Variants in MED14 observed in about 807,000 individuals in gnomAD.
MED14 encodes the protein mediator of RNA polymerase II transcription subunit 14.
In MED14, 8 loss-of-function variants were observed where a neutral mutation model predicts 109.0. That is an observed-to-expected ratio of 0.07 (90% confidence interval 0.04 to 0.13). The LOEUF (loss-of-function observed/expected upper bound fraction) is 0.13, where lower values mean the gene tolerates loss of function less well. Ranked by LOEUF, MED14 falls within the 10% of genes least tolerant of loss-of-function variation. MED14 has a pLI of 1.00. For synonymous variants in MED14, 399 were observed against 408.7 expected, an observed-to-expected ratio of 0.98 and a Z score of 0.29; for missense variants, 711 against 1,142.4, an observed-to-expected ratio of 0.62 and a Z score of 5.44.
chrX:40,713,652 A>C (rs1931411729), intron 5 of MED14, 126 bp downstream of exon 5: 2 of 703,605 alleles, frequency 2.8e-6, no homozygotes, highest in Non-Finnish European at 4.2e-6. Flanking sequence ...CATGTTGGCC[A>C]GGCTGGTCTC....
chrX:40,659,889 G>A (rs1929199226), intron 26 of MED14: 2 of 204,035 alleles, frequency 9.8e-6, no homozygotes, highest in East Asian at 9.0e-5. Context: ...CCAGAGGACT[G>A]ACCAATGTGA....
intron 12 of MED14, among the ~76,000 whole-genome samples, chrX:40,699,873 C>T (rs73624924): frequency 0.033 from 3,688 of 110,599 alleles, 124 homozygotes; most frequent in Admixed American, 0.13. Flanking sequence ...GCGCTGGGCA[C>T]GGTGGCTCAC....
At chrX:40,713,102 CT>C in intron 5 of MED14, 60 bp from the exon 6 acceptor site, 1 of 1,054,389 alleles carries the variant, frequency 9.5e-7, no homozygotes, top group Non-Finnish European at 1.3e-6. Context: ...GAGAATCTTC[CT>C]CCTGACCTAG....
intron 21 of MED14, among the ~76,000 whole-genome samples, chrX:40,678,336 A>G (rs996226560): frequency 1.8e-5 from 2 of 111,075 alleles, no homozygotes; most frequent in African/African-American, 6.6e-5. Context: ...CTAGGAGAAG[A>G]GTTTAAGGTT....
intron 29 of MED14, 56 bp downstream of exon 29, chrX:40,654,879 C>A: frequency 8.5e-7 from 1 of 1,173,291 alleles, no homozygotes. Flanking sequence ...GCTCTATTAT[C>A]ATGTGGCATT....
At chrX:40,653,550 A>G (rs1928949605) in intron 30 of MED14, among the ~76,000 whole-genome samples, 1 of 111,059 alleles carries the variant, frequency 9.0e-6, no homozygotes, top group African/African-American at 3.3e-5. Context: ...TTATTTAACT[A>G]TTCTAAACAG....
At chrX:40,678,048 C>T (rs190476759) in intron 21 of MED14, among the ~76,000 whole-genome samples, 3 of 110,829 alleles carry the variant, frequency 2.7e-5, no homozygotes, top group Admixed American at 9.6e-5. Flanking sequence ...AATTCCCCAC[C>T]CCCCATGTAC....
At position 40,648,537 on chromosome X, in the gene MED14, C is replaced by T. The variant is rs1035118359; in HGVS notation, c.*3269G>A. On this transcript the variant is annotated 3_prime_UTR_variant, in exon 31 of 31. Transcript: ENST00000324817. ...AGGCAAATTACATTTCTCTGGGCCT[C>T]CATTTACTCATTTTTAAGAAGAGGA... 1 of 111,918 alleles carries T rather than the reference C, an allele frequency of 8.9e-6. No homozygotes were observed. Among genetic ancestry groups the T allele is most frequent in the Non-Finnish European group, 1.9e-5 (1 of 53,190 alleles). 9.2% of individuals were successfully genotyped at this position (111,918 alleles called of 1,213,427 possible).
At chrX:40,725,731 A>T (rs941392833) in intron 3 of MED14, among the ~76,000 whole-genome samples, 9 of 111,807 alleles carry the variant, frequency 8.0e-5, no homozygotes, top group Non-Finnish European at 1.3e-4. Context: ...TATCATGCTG[A>T]ATGGAGAAAA....
intron 2 of MED14, among the ~76,000 whole-genome samples, chrX:40,727,708 C>T (rs1346981541): frequency 9.0e-6 from 1 of 111,418 alleles, no homozygotes; most frequent in East Asian, 2.8e-4. Context: ...GACCGATGAC[C>T]AGACCCAGCA....
intron 26 of MED14, among the ~76,000 whole-genome samples, chrX:40,662,118 A>C (rs1929304637): frequency 8.9e-6 from 1 of 112,221 alleles, no homozygotes; most frequent in Admixed American, 9.4e-5. Context: ...TGCCCACCTC[A>C]GCCTCTCAAA....
chrX:40,689,113 A>G (rs1930401155), intron 15 of MED14, among the ~76,000 whole-genome samples: 1 of 112,376 alleles, frequency 8.9e-6, no homozygotes, highest in African/African-American at 3.2e-5. Flanking sequence ...AACCCTTTCC[A>G]TGGGACTGCA....
intron 29 of MED14, 65 bp from the exon 30 acceptor site, chrX:40,654,621 A>C (rs931787815): frequency 9.3e-7 from 1 of 1,070,623 alleles, no homozygotes; most frequent in African/African-American, 1.8e-5. Flanking sequence ...AAATGTATCA[A>C]AGGTACTATC....
In MED14 at chrX:40,660,574, G is replaced by C. The variant is rs184406959; in HGVS notation, c.3685-967C>G. The stretch of plus-strand genomic sequence containing the variant: ...AATAAATAAATGAACAGGTGTGGCT[G>C]TGTTCCAATAAAACTTTATTTACAA... On this transcript the variant is annotated intron_variant, in intron 26 of 30. Transcript: ENST00000324817. Among the ~76,000 whole-genome samples, 259 of 112,011 alleles carry C rather than the reference G, an allele frequency of 2.3e-3. 2 individuals are homozygous for C. The highest frequency in any genetic ancestry group is 7.9e-3 in the African/African-American group (245 of 30,852).
At chrX:40,711,751 T>C (rs1931344105) in intron 7 of MED14, among the ~76,000 whole-genome samples, 1 of 108,460 alleles carries the variant, frequency 9.2e-6, no homozygotes, top group South Asian at 4.0e-4. Context: ...GGCTCCCTAG[T>C]AGCTGGGATT....
intron 11 of MED14, among the ~76,000 whole-genome samples, chrX:40,702,150 C>T (rs772320339): frequency 1.8e-5 from 2 of 111,698 alleles, no homozygotes; most frequent in Non-Finnish European, 1.9e-5. Flanking sequence ...GCCTCCAGAA[C>T]TATGACAAAA....
intron 12 of MED14, among the ~76,000 whole-genome samples, chrX:40,700,392 ATTCAT>A (rs1930888361): frequency 1.7e-5 from 1 of 60,176 alleles, no homozygotes; most frequent in African/African-American, 6.5e-5. Flanking sequence ...AAAAAAAAAA[ATTCAT>A]GCCCTGCTAA....
intron 28 of MED14, among the ~76,000 whole-genome samples, chrX:40,658,868 A>G (rs774770243): frequency 1.8e-5 from 2 of 110,420 alleles, no homozygotes; most frequent in African/African-American, 3.3e-5. Flanking sequence ...GTCTCAATCA[A>G]TCAAAAGTTT....
rs751833444 is a variant in MED14 at position 40,725,442 on chromosome X, GCAAAC to G, written c.348+1299_348+1303del. On this transcript the variant is annotated intron_variant, in intron 3 of 30. Transcript: ENST00000324817. Reference sequence around the variant, plus strand: ...CAAAAATCCTCTCAACAAAATACTAGCAAACCAAATTGAACAAAACATTAAAAAGA... The same window carrying G: ...CAAAAATCCTCTCAACAAAATACTAGCAAATTGAACAAAACATTAAAAAGA... Among the ~76,000 whole-genome samples the G allele has an allele frequency of 7.4e-3, 825 of 111,650 alleles. 8 individuals carry two copies. The highest frequency in any genetic ancestry group is 0.026 in the African/African-American group (785 of 30,739).
Sources: allele counts gnomAD v4.1 joint callset (sites outside exome capture counted in the v4.1 genomes callset), GRCh38; gene constraint gnomAD v4.1.1; transcripts MANE v1.5; gene names NCBI Gene and HGNC (gene_info 2026-07-23, HGNC 2026-07-21).